TRAK1: variants seen among roughly 807,000 people sequenced by gnomAD.
TRAK1 encodes the protein trafficking kinesin-binding protein 1.
Under a neutral mutation model 92.1 loss-of-function variants are expected in TRAK1, and 33 were observed. The observed-to-expected ratio is 0.36, with a 90% confidence interval of 0.27 to 0.48. The LOEUF is 0.48. TRAK1 is among the 20% of genes least tolerant of loss of function. The pLI is 0.99. For missense variants in TRAK1, 1,123 were observed against 1,257.9 expected (o/e 0.89, Z 1.62); for synonymous variants, 521 against 517.3 (o/e 1.01, Z -0.10).
chr3:42,202,898 C>G lies in TRAK1; in HGVS notation c.1744+146C>G, dbSNP rs1442633437. ...ACCCGCGCTGCTGGTTTGAGTTCCT[C>G]TGAGGGTGGTGCTCAGCCTAGGCCT... On this transcript the variant is annotated intron_variant, in intron 13 of 15. Coordinates refer to ENST00000327628, the MANE Select transcript of TRAK1 (RefSeq NM_001042646.3). The surrounding 1 kb of genome is among the most constrained non-coding windows in gnomAD (Gnocchi z 6.1). 1 of 1,449,392 alleles carries G rather than the reference C, an allele frequency of 6.9e-7. No individual in the cohort carries two copies. The highest frequency in any genetic ancestry group is 2.4e-5 in the Admixed American group (1 of 41,070). The allele number at this position is 1,449,392 out of a possible 1,614,324, so 89.8% of individuals were successfully genotyped here. A position where few individuals can be genotyped will look rare whatever the true frequency, so the allele number is the denominator to read the frequency against.
chr3:42,096,034 T>C (rs546534635), intron 1 of TRAK1, among the ~76,000 whole-genome samples: 1 of 152,282 alleles, frequency 6.6e-6, no homozygotes, highest in East Asian at 1.9e-4. Context: ...GACTTGTCAG[T>C]CCCCAAAGCT....
chr3:42,087,143 C>T (rs1321580505), upstream of TRAK1: 3 of 152,594 alleles, frequency 2.0e-5, no homozygotes, highest in Admixed American at 6.5e-5. Flanking sequence ...CCAGAACTAC[C>T]GGGGGCCATC....
rs545730691 is a variant in TRAK1, at chr3:42,022,088, A to G, written c.-519+7971A>G. ...GTAACAGGAATAGCCCCCATGGCCT[A>G]AAGCATTGATGTGAGCTGTGGTTTT... is the stretch of plus-strand genomic sequence containing the variant. On this transcript the variant is annotated intron_variant, in intron 1 of 16. Transcript: ENST00000487159. 4.3e-4 allele frequency among the ~76,000 whole-genome samples: 65 copies of G among 152,310 alleles called. 1 individual carries two copies. The Middle Eastern group carries it at 0.01, about 24-fold the overall frequency.
chr3:42,101,576 C>T (rs983451088), intron 1 of TRAK1, among the ~76,000 whole-genome samples: 3 of 152,128 alleles, frequency 2.0e-5, no homozygotes, highest in African/African-American at 7.2e-5. Context: ...CTGTAAAGGG[C>T]CAGAGAGTAA....
intron 6 of TRAK1, 150 bp from the exon 7 acceptor site, chr3:42,191,406 TTC>T (rs1396623158): frequency 3.6e-5 from 21 of 590,000 alleles, no homozygotes; most frequent in Non-Finnish European, 5.8e-5. Context: ...CAGATGGACT[TTC>T]TGTATTTGAG....
chr3:42,079,958 T>C (rs776706040), intron 1 of TRAK1, among the ~76,000 whole-genome samples: 21 of 152,094 alleles, frequency 1.4e-4, no homozygotes, highest in Non-Finnish European at 2.4e-4. Context: ...GGTGCACAAA[T>C]CCTTCTGCAT....
intron 2 of TRAK1, among the ~76,000 whole-genome samples, chr3:42,170,910 G>A (rs1296549726): frequency 6.7e-6 from 1 of 149,822 alleles, no homozygotes; most frequent in African/African-American, 2.5e-5. Flanking sequence ...TGCAAGCTCC[G>A]CCTCCTGGGT....
intron 2 of TRAK1, among the ~76,000 whole-genome samples, chr3:42,148,133 G>T (rs957370673): frequency 1.3e-5 from 2 of 152,074 alleles, no homozygotes; most frequent in African/African-American, 4.8e-5. Context: ...AAGTAGTTTT[G>T]GTTTAGGGCA....
At chr3:42,193,654 A>G (rs79705211) in intron 8 of TRAK1, among the ~76,000 whole-genome samples, 170 bp from the exon 9 acceptor site, 6,060 of 152,254 alleles carry the variant, frequency 0.04, 429 homozygotes, top group African/African-American at 0.14. Context: ...ATGAATGTGG[A>G]TATAGGAAAG....
intron 1 of TRAK1, among the ~76,000 whole-genome samples, chr3:42,038,515 G>A (rs1407569518): frequency 6.6e-6 from 1 of 152,176 alleles, no homozygotes; most frequent in East Asian, 1.9e-4. Flanking sequence ...GCCAGGCACA[G>A]TGGCTCGCGC....
intron 15 of TRAK1, among the ~76,000 whole-genome samples, chr3:42,220,954 C>T (rs1278426524): frequency 2.0e-5 from 3 of 152,130 alleles, no homozygotes; most frequent in African/African-American, 7.2e-5. Flanking sequence ...AGGCTGGTGC[C>T]CTGGGTAACT....
chr3:42,214,704 A>T (rs1206635154), intron 14 of TRAK1, among the ~76,000 whole-genome samples: 1 of 152,184 alleles, frequency 6.6e-6, no homozygotes, highest in Non-Finnish European at 1.5e-5. Flanking sequence ...CCAGAAAAAG[A>T]TCTTGTGATG....
intron 1 of TRAK1, among the ~76,000 whole-genome samples, chr3:42,046,867 TATTG>T (rs745508279): frequency 7.6e-4 from 116 of 152,296 alleles, no homozygotes; most frequent in African/African-American, 2.3e-3. Context: ...GCTTTTTGGT[TATTG>T]ATTCTGGATT....
At chr3:42,192,496 A>AGTACCAAGTATTTTGCATTTCGTCAAG (rs1705957975) in intron 7 of TRAK1, among the ~76,000 whole-genome samples, 7 of 152,170 alleles carry the variant, frequency 4.6e-5, no homozygotes, top group African/African-American at 1.4e-4. Flanking sequence ...ATTTCGTCAA[A>AGTACCAAGTATTTTGCATTTCGTCAAG]GTACTATTTT....
At chr3:42,025,176 C>T (rs1701867772) in intron 1 of TRAK1, among the ~76,000 whole-genome samples, 1 of 152,130 alleles carries the variant, frequency 6.6e-6, no homozygotes, top group African/African-American at 2.4e-5. Flanking sequence ...TGCTTGGTTT[C>T]CTCCTAGCAA....
intron 1 of TRAK1, among the ~76,000 whole-genome samples, chr3:42,111,617 G>A (rs7621762): frequency 0.047 from 7,109 of 152,114 alleles, 529 homozygotes; most frequent in African/African-American, 0.16. Context: ...GGGTGGTCTC[G>A]ATATCCTGAC....
At chr3:42,220,602 C>T (rs376934885) in intron 15 of TRAK1, 25 of 985,184 alleles carry the variant, frequency 2.5e-5, no homozygotes, top group Admixed American at 6.2e-5. Context: ...GTGAGCACAC[C>T]GCCAGCAGTG....
intron 2 of TRAK1, among the ~76,000 whole-genome samples, chr3:42,140,488 G>A (rs996170625): frequency 2.0e-5 from 3 of 152,132 alleles, no homozygotes; most frequent in African/African-American, 4.8e-5. Flanking sequence ...TTAGCCACGC[G>A]TGGTGGCACA....
intron 1 of TRAK1, among the ~76,000 whole-genome samples, chr3:42,074,533 A>G (rs1422319334): frequency 6.6e-6 from 1 of 152,192 alleles, no homozygotes; most frequent in Non-Finnish European, 1.5e-5. Context: ...TGGAGTGCCC[A>G]CCCTGATTCC....
Sources: allele counts gnomAD v4.1 joint callset (sites outside exome capture counted in the v4.1 genomes callset), GRCh38; gene constraint gnomAD v4.1.1; non-coding constraint Gnocchi (gnomAD v3.1); transcripts MANE v1.5; gene names NCBI Gene and HGNC (gene_info 2026-07-23, HGNC 2026-07-21).